GOSR1: variants seen among roughly 807,000 people sequenced by gnomAD.
GOSR1 encodes the protein 28 kDa Golgi SNARE protein.
A neutral mutation model predicts 35.5 loss-of-function variants in GOSR1; 21 were observed. That is an observed-to-expected ratio of 0.59 (90% confidence interval 0.42 to 0.85). GOSR1 has a LOEUF of 0.85. Ranked by LOEUF, GOSR1 falls within the 40% of genes least tolerant of loss-of-function variation. The probability of loss-of-function intolerance (pLI) is 0.00; values close to 1 mark genes in which losing one functional copy is unlikely to be tolerated. For synonymous variants in GOSR1, 94 were observed against 106.6 expected (o/e 0.88, Z 0.73); for missense variants, 285 against 309.6 (o/e 0.92, Z 0.60).
chr17:30,483,780 G>T (rs370744709), intron 2 of GOSR1, among the ~76,000 whole-genome samples: 1 of 152,214 alleles, frequency 6.6e-6, no homozygotes, highest in African/African-American at 2.4e-5. Context: ...AGTTTCACTT[G>T]TAAAAAGATA....
intron 8 of GOSR1, among the ~76,000 whole-genome samples, chr17:30,521,163 CTCTCT>C (rs1393207605): frequency 1.5e-5 from 2 of 132,328 alleles, no homozygotes; most frequent in Admixed American, 8.0e-5. Context: ...TAAGTTCTCT[CTCTCT>C]TTTTTTTTTT....
intron 2 of GOSR1, 180 bp downstream of exon 2, chr17:30,481,437 T>G: frequency 2.4e-6 from 1 of 420,620 alleles, no homozygotes; most frequent in Non-Finnish European, 4.4e-6. Context: ...TTCTCGAGAC[T>G]AGCATTTATT....
chr17:30,522,342 C>G lies in GOSR1; in HGVS notation c.711C>G (p.Ile237Met), dbSNP rs754718473. The change falls in exon 9 of 9, where the codon ATC becomes ATG. Residue 237 changes from isoleucine (I) to methionine (M), a missense_variant. Transcript: ENST00000451249. ...DSLILGGVIG[I>M]CTILLLLYAF... ...TCATCCTAGGGGGTGTTATTGGGAT[C>G]TGTACCATCCTGTTGCTGCTGTATG... 2.5e-6 allele frequency: 4 copies of G among 1,603,022 alleles called. No individual in the cohort carries two copies. The highest frequency in any genetic ancestry group is 3.4e-6 in the Non-Finnish European group (4 of 1,174,512).
At chr17:30,490,420 TTA>T (rs1321006229) in intron 5 of GOSR1, 2 of 418,864 alleles carry the variant, frequency 4.8e-6, no homozygotes, top group Non-Finnish European at 8.8e-6. Flanking sequence ...TCCTCTTACT[TTA>T]TCATTGGCTC....
chr17:30,492,319 T>C (rs1162672030), intron 5 of GOSR1, among the ~76,000 whole-genome samples: 1 of 152,186 alleles, frequency 6.6e-6, no homozygotes, highest in East Asian at 1.9e-4. Context: ...TTTCCCACCC[T>C]GTGTGCTGTG....
intron 6 of GOSR1, among the ~76,000 whole-genome samples, chr17:30,507,072 A>G (rs1454414427): frequency 3.3e-5 from 5 of 152,232 alleles, no homozygotes; most frequent in African/African-American, 1.2e-4. Context: ...CAAGGAGAGG[A>G]GTGCTGTTTT....
At chr17:30,494,830 A>G (rs1966934472) in intron 6 of GOSR1, among the ~76,000 whole-genome samples, 1 of 147,008 alleles carries the variant, frequency 6.8e-6, no homozygotes. Context: ...CTGGTCTTGA[A>G]CTCCTAACTT....
chr17:30,502,082 A>G (rs1165343047), intron 6 of GOSR1, among the ~76,000 whole-genome samples: 1 of 152,252 alleles, frequency 6.6e-6, no homozygotes, highest in Non-Finnish European at 1.5e-5. Context: ...CTTTAAATGC[A>G]TAAAAGCAGC....
At chr17:30,477,864 G>A (rs1413201083) in intron 1 of GOSR1, 1 of 984,424 alleles carries the variant, frequency 1.0e-6, no homozygotes, top group Admixed American at 6.1e-5. Context: ...TCAGCGCATT[G>A]GAGCTGAGGT....
At chr17:30,490,238 T>C (rs1472778346) in intron 5 of GOSR1, 21 bp downstream of exon 5, 8 of 1,129,024 alleles carry the variant, frequency 7.1e-6, no homozygotes, top group Non-Finnish European at 1.1e-5. Context: ...TTTTATATTA[T>C]TTTGTAGAAT....
At chr17:30,501,693 A>T (rs2078814122) in intron 6 of GOSR1, among the ~76,000 whole-genome samples, 1 of 151,992 alleles carries the variant, frequency 6.6e-6, no homozygotes, top group African/African-American at 2.4e-5. Flanking sequence ...ATGGGGTTTC[A>T]CCATCTTGGC....
chr17:30,497,171 G>A (rs992647983), intron 6 of GOSR1, among the ~76,000 whole-genome samples: 1 of 152,190 alleles, frequency 6.6e-6, no homozygotes, highest in Non-Finnish European at 1.5e-5. Flanking sequence ...GCTGAGTTGG[G>A]AGGATTGCTT....
At chr17:30,515,539 G>A (rs940222858) in intron 7 of GOSR1, among the ~76,000 whole-genome samples, 4 of 152,024 alleles carry the variant, frequency 2.6e-5, no homozygotes, top group Non-Finnish European at 5.9e-5. Context: ...AGCTGCATGC[G>A]TTAGGAAGGG....
At chr17:30,499,530 A>G (rs985447023) in intron 6 of GOSR1, among the ~76,000 whole-genome samples, 7 of 152,016 alleles carry the variant, frequency 4.6e-5, no homozygotes, top group Admixed American at 3.3e-4. Context: ...TTTAGTAGAG[A>G]CGGGGTTTCA....
At position 30,500,041 on chromosome 17, in the gene GOSR1, T is replaced by C. The variant is rs369764493; in HGVS notation, c.509+7288T>C. ...CCTTTTGTTGTGGGCTTTTTTCTAT[T>C]GTGTTATAAGGGTTCTTTGTGTACT... On this transcript the variant is annotated intron_variant, in intron 6 of 8. Transcript: ENST00000451249. Among the ~76,000 whole-genome samples, 81 of 152,306 alleles carry C rather than the reference T, an allele frequency of 5.3e-4. 2 individuals are homozygous for C. In the South Asian group the frequency reaches 0.016, roughly 31 times the overall value.
chr17:30,520,222 G>A, intron 8 of GOSR1: 2 of 448,124 alleles, frequency 4.5e-6, no homozygotes, highest in Non-Finnish European at 4.0e-6. Context: ...CACCTCAGAA[G>A]TTTCTTACTA....
chr17:30,513,297 T>C (rs1033725441), intron 7 of GOSR1, among the ~76,000 whole-genome samples: 3 of 152,174 alleles, frequency 2.0e-5, no homozygotes, highest in African/African-American at 7.2e-5. Flanking sequence ...GGTGACTGAG[T>C]TCAGTTCACA....
rs955883908 is a variant in GOSR1 at position 30,477,791 on chromosome 17, TACGAACTCTGAGAGGAAAC to T, written c.31+328_31+346del. ...GGAACTCGGACGAAGGGGCTTGGGGTACGAACTCTGAGAGGAAACGAATGTTGAGGGAGAAGATCCAGAG... is the reference window on the plus strand; with the variant it reads ...GGAACTCGGACGAAGGGGCTTGGGGTGAATGTTGAGGGAGAAGATCCAGAG... On this transcript the variant is annotated intron_variant, in intron 1 of 8. Coordinates refer to ENST00000451249, the MANE Select transcript of GOSR1 (RefSeq NM_001007025.2). The T allele has an allele frequency of 6.1e-6, 6 of 984,824 alleles. No homozygotes were observed. The African/African-American group carries it at 1.1e-4, about 17-fold the overall frequency. The allele number at this position is 984,824 out of a possible 1,614,324, so 61.0% of individuals were successfully genotyped here. A position where few individuals can be genotyped will look rare whatever the true frequency, so the allele number is the denominator to read the frequency against.
intron 8 of GOSR1, among the ~76,000 whole-genome samples, chr17:30,521,541 C>G (rs1450506099): frequency 2.1e-5 from 3 of 145,114 alleles, no homozygotes; most frequent in African/African-American, 7.6e-5. Flanking sequence ...GCGCCTCATA[C>G]AAATAAGTCA....
Sources: gnomAD v4.1 joint callset for allele counts (sites outside exome capture counted in the v4.1 genomes callset) on GRCh38, gnomAD v4.1.1 for gene constraint, MANE v1.5 for transcripts, NCBI Gene and HGNC (gene_info 2026-07-23, HGNC 2026-07-21) for gene names.